The following ABLIM1 variants were observed in gnomAD, a reference collection of about 807,000 sequenced individuals.
ABLIM1 encodes actin-binding LIM protein 1.
Under a neutral mutation model 107.0 loss-of-function variants are expected in ABLIM1, and 40 were observed. The ratio of observed to expected loss-of-function variants is 0.37; its 90% CI spans 0.29 to 0.49. The LOEUF (loss-of-function observed/expected upper bound fraction) is 0.49, where lower values mean the gene tolerates loss of function less well. Among genes scored for constraint, ABLIM1 ranks in the 20% least tolerant of loss-of-function variants. The pLI, the probability that ABLIM1 is intolerant of heterozygous loss-of-function variation, is 0.97. For missense variants in ABLIM1, 857 were observed against 1,008.5 expected (o/e 0.85, Z 2.04); for synonymous variants, 357 against 357.3 (o/e 1.00, Z 0.01).
intron 9 of ABLIM1, among the ~76,000 whole-genome samples, chr10:114,473,334 C>T (rs929819841): frequency 2.6e-5 from 4 of 151,890 alleles, no homozygotes; most frequent in Admixed American, 6.6e-5. Flanking sequence ...AGTCACTGAA[C>T]GCTTAGGAAA....
chr10:114,518,143 A>T (rs768579341), intron 6 of ABLIM1, among the ~76,000 whole-genome samples: 3 of 152,190 alleles, frequency 2.0e-5, no homozygotes, highest in Non-Finnish European at 2.9e-5. Context: ...AAAAGAATAC[A>T]TGCCCTCCCA....
rs1017283562 is a variant in ABLIM1 at position 114,433,257 on chromosome 10, T to C, written c.*3003A>G. 6 of 152,168 alleles carry C rather than the reference T, an allele frequency of 3.9e-5. No individual in the cohort carries two copies. The highest frequency in any genetic ancestry group is 8.8e-5 in the Non-Finnish European group (6 of 68,044). The allele number at this position is 152,168 out of a possible 1,614,324, so 9.4% of individuals were successfully genotyped here. A position where few individuals can be genotyped will look rare whatever the true frequency, so the allele number is the denominator to read the frequency against. The stretch of plus-strand genomic sequence containing the variant: ...TAGGGTAAAAGCAGACCAATAGCCA[T>C]CTTGTGTGCTGTGACCAGGATGGAC... On this transcript the variant is annotated 3_prime_UTR_variant, in exon 23 of 23. Coordinates refer to ENST00000533213, the MANE Select transcript of ABLIM1 (RefSeq NM_002313.7).
chr10:114,624,772 A>AT (rs397702524), intron 1 of ABLIM1, among the ~76,000 whole-genome samples: 1,861 of 145,414 alleles, frequency 0.013, 31 homozygotes, highest in African/African-American at 0.042. Context: ...ATTTGTTAAG[A>AT]TTTTTTTTTT....
chr10:114,736,317 T>C (rs1477834325), intron 1 of ABLIM1, among the ~76,000 whole-genome samples: 1 of 152,142 alleles, frequency 6.6e-6, no homozygotes, highest in African/African-American at 2.4e-5. Context: ...AAATGGGCCA[T>C]AGTGACTTAA....
chr10:114,613,852 G>T, intron 1 of ABLIM1: 1 of 626,798 alleles, frequency 1.6e-6, no homozygotes, highest in Non-Finnish European at 2.4e-6. Context: ...AATTTTGCTG[G>T]GTGTAACCTC....
At chr10:114,588,826 C>G (rs2074490852) in intron 2 of ABLIM1, among the ~76,000 whole-genome samples, 1 of 151,990 alleles carries the variant, frequency 6.6e-6, no homozygotes, top group Non-Finnish European at 1.5e-5. Context: ...TTCTTTTGTC[C>G]TTTTCATGGA....
chr10:114,508,980 T>C (rs976729313), intron 6 of ABLIM1, among the ~76,000 whole-genome samples: 4 of 152,210 alleles, frequency 2.6e-5, no homozygotes, highest in African/African-American at 9.6e-5. Context: ...CAACAGATCA[T>C]GAGATAGGAA....
intron 1 of ABLIM1, among the ~76,000 whole-genome samples, chr10:114,731,839 G>A (rs2082080414): frequency 6.6e-6 from 1 of 151,706 alleles, no homozygotes; most frequent in Non-Finnish European, 1.5e-5. Flanking sequence ...TGAACCCCTG[G>A]CCTCAAATGA....
intron 1 of ABLIM1, among the ~76,000 whole-genome samples, chr10:114,710,424 A>G (rs2081524005): frequency 6.6e-6 from 1 of 152,194 alleles, no homozygotes; most frequent in Admixed American, 6.5e-5. Flanking sequence ...GAGACAAGCA[A>G]AAGGGGAAAC....
At chr10:114,540,646 T>G (rs368339326) in intron 6 of ABLIM1, among the ~76,000 whole-genome samples, 3 of 152,164 alleles carry the variant, frequency 2.0e-5, no homozygotes, top group East Asian at 3.9e-4. Context: ...CAGCCAGACC[T>G]GGAGCGTCTC....
intron 1 of ABLIM1, among the ~76,000 whole-genome samples, chr10:114,714,603 G>T (rs7087838): frequency 0.035 from 5,350 of 152,286 alleles, 309 homozygotes; most frequent in African/African-American, 0.12. Flanking sequence ...CTATTCTTCA[G>T]CCTGTAACCG....
At position 114,439,263 on chromosome 10, in the gene ABLIM1, T is replaced by C; in HGVS notation, c.2068-13A>G. ...CATCTGGGAGTGTCTGCAACAGAAATGCCAGTTCCAGGTGAGGCATGAAAT... is the reference window on the plus strand; with the variant it reads ...CATCTGGGAGTGTCTGCAACAGAAACGCCAGTTCCAGGTGAGGCATGAAAT... On this transcript the variant is annotated splice_polypyrimidine_tract_variant and intron_variant, in intron 20 of 22. Transcript: ENST00000533213. 6.2e-7 allele frequency: 1 copy of C among 1,614,190 alleles called. No individual in the cohort carries two copies. Among genetic ancestry groups the C allele is most frequent in the South Asian group, 1.1e-5 (1 of 91,086 alleles).
chr10:114,615,276 C>T (rs2077060807), intron 1 of ABLIM1, among the ~76,000 whole-genome samples: 1 of 152,172 alleles, frequency 6.6e-6, no homozygotes, highest in Non-Finnish European at 1.5e-5. Flanking sequence ...ACTCTTTCCA[C>T]ATCCTCCCAA....
Position 114,440,098 on chromosome 10 carries a change from G to A in ABLIM1, c.2060-9C>T, listed in dbSNP as rs1318163809. 4.3e-6 allele frequency: 7 copies of A among 1,610,836 alleles called. 1 individual carries two copies. Among genetic ancestry groups the A allele is most frequent in the South Asian group, 2.2e-5 (2 of 91,000 alleles). On this transcript the variant is annotated splice_polypyrimidine_tract_variant and intron_variant, in intron 19 of 22. Coordinates refer to ENST00000533213, the MANE Select transcript of ABLIM1 (RefSeq NM_002313.7). ...GTTCCATACCTGGTAATCTGAAAAGGAAAGGAAAAGAAAATATCATAAGGG... is the reference window on the plus strand; with the variant it reads ...GTTCCATACCTGGTAATCTGAAAAGAAAAGGAAAAGAAAATATCATAAGGG...
At chr10:114,795,042 C>T in the ABLIM1 span, among the ~76,000 whole-genome samples, 1 of 151,848 alleles carries the variant, frequency 6.6e-6, no homozygotes, top group East Asian at 1.9e-4. Context: ...AAACTTAAAC[C>T]AACCCTCTCA....
At chr10:114,741,312 G>A (rs528764415) in intron 1 of ABLIM1, among the ~76,000 whole-genome samples, 1 of 126,582 alleles carries the variant, frequency 7.9e-6, no homozygotes, top group Non-Finnish European at 1.6e-5. Context: ...TGCAAGCTCC[G>A]CCTCTCAGGT....
chr10:114,757,870 C>T (rs1016977087), intron 1 of ABLIM1, among the ~76,000 whole-genome samples: 1 of 152,114 alleles, frequency 6.6e-6, no homozygotes, highest in African/African-American at 2.4e-5. Context: ...CAACTAGACA[C>T]CCTCCTTCCC....
the ABLIM1 span, among the ~76,000 whole-genome samples, chr10:114,774,924 A>G: frequency 6.6e-6 from 1 of 152,178 alleles, no homozygotes; most frequent in Non-Finnish European, 1.5e-5. Flanking sequence ...GTTTCCTGAA[A>G]CAAAACAAAA....
chr10:114,703,860 G>A (rs1297103139), intron 1 of ABLIM1, among the ~76,000 whole-genome samples: 1 of 152,172 alleles, frequency 6.6e-6, no homozygotes. Flanking sequence ...TGGAGAATCA[G>A]TTTCTTACAG....
Sources: gnomAD v4.1 joint callset for allele counts (sites outside exome capture counted in the v4.1 genomes callset) on GRCh38, gnomAD v4.1.1 for gene constraint, MANE v1.5 for transcripts, NCBI Gene and HGNC (gene_info 2026-07-23, HGNC 2026-07-21) for gene names.